The following CEACAM6 variants were observed in gnomAD, a reference collection of about 807,000 sequenced individuals.
CEACAM6 encodes the protein CEA cell adhesion molecule 6, also known as cell adhesion molecule CEACAM6.
Under a neutral mutation model 32.4 loss-of-function variants are expected in CEACAM6, and 21 were observed. The observed-to-expected ratio is 0.65, with a 90% CI of 0.46 to 0.93. CEACAM6 has a LOEUF of 0.93. CEACAM6 is among the 40% of genes least tolerant of loss of function. The pLI, the probability that CEACAM6 is intolerant of heterozygous loss-of-function variation, is 0.00. For missense variants in CEACAM6, 406 were observed against 432.2 expected, an observed-to-expected ratio of 0.94 and a Z score of 0.54; for synonymous variants, 184 against 174.4, an observed-to-expected ratio of 1.06 and a Z score of -0.43.
At chr19:41,758,692 C>T (rs1549960) in intron 2 of CEACAM6, among the ~76,000 whole-genome samples, 48,864 of 151,940 alleles carry the variant, frequency 0.32, 8,118 homozygotes, top group East Asian at 0.51. Flanking sequence ...CCTCATTTTC[C>T]TCCCCTTTCA....
chr19:41,760,782 A>G (rs2072917895), intron 2 of CEACAM6, among the ~76,000 whole-genome samples: 1 of 152,208 alleles, frequency 6.6e-6, no homozygotes, highest in Admixed American at 6.5e-5. Context: ...TTGGGGTTTA[A>G]GGACAATAAG....
intron 5 of CEACAM6, among the ~76,000 whole-genome samples, chr19:41,770,392 A>T (rs983599469): frequency 1.3e-5 from 2 of 151,788 alleles, no homozygotes; most frequent in Admixed American, 1.3e-4. Context: ...CTGGGAGTGC[A>T]TACATAGGCC....
chr19:41,756,923 G>A lies in CEACAM6; in HGVS notation c.388G>A (p.Val130Met), dbSNP rs143835773. The A allele has an allele frequency of 4.3e-6, 7 of 1,613,028 alleles. No individual in the cohort carries two copies. The African/African-American group carries it at 9.4e-5, about 22-fold the overall frequency. Reference sequence around the variant, plus strand: ...CCTACAAGTCATAAAGTCAGATCTTGTGAATGAAGAAGCAACCGGACAGTT... The same window carrying A: ...CCTACAAGTCATAAAGTCAGATCTTATGAATGAAGAAGCAACCGGACAGTT... Reference protein sequence around the residue: ...YTLQVIKSDLVNEEATGQFHV... With the variant: ...YTLQVIKSDLMNEEATGQFHV... The change falls in exon 2 of 6, where the codon GTG (valine) becomes ATG (methionine). Residue 130 changes from valine (V) to methionine (M), a missense_variant. Val to Met is a conservative substitution (Grantham distance 21, BLOSUM62 1). Coordinates refer to ENST00000199764, the MANE Select transcript of CEACAM6 (RefSeq NM_002483.7).
intron 5 of CEACAM6, among the ~76,000 whole-genome samples, chr19:41,767,005 CA>C (rs34180480): frequency 1.0e-3 from 90 of 88,488 alleles, no homozygotes; most frequent in Middle Eastern, 5.7e-3. Context: ...GACTCCGTCT[CA>C]AAAAAAAAAA....
At chr19:41,761,134 G>A in intron 2 of CEACAM6, 115 bp from the exon 3 acceptor site, 1 of 1,559,198 alleles carries the variant, frequency 6.4e-7, no homozygotes, top group Non-Finnish European at 8.7e-7. Context: ...CCTGCCAGGG[G>A]CTTTTAAGGA....
chr19:41,755,649 C>T lies in CEACAM6; in HGVS notation c.11C>T (p.Pro4Leu), dbSNP rs782820222. ...AAGACAGCAGAGACCATGGGACCCCCCTCAGCCCCTCCCTGCAGATTGCAT... is the reference window on the plus strand; with the variant it reads ...AAGACAGCAGAGACCATGGGACCCCTCTCAGCCCCTCCCTGCAGATTGCAT... MGPPSAPPCRLHVP... is the reference protein window; with the variant it reads MGPLSAPPCRLHVP... Residue 4 changes from proline to leucine, a missense_variant, in exon 1 of 6, where the codon CCC becomes CTC. By Grantham distance (98) the Pro-to-Leu change is moderately conservative. Transcript: ENST00000199764. The T allele has an allele frequency of 2.5e-6, 4 of 1,610,188 alleles. No individual in the cohort carries two copies. In the South Asian group the frequency reaches 3.3e-5, roughly 13 times the overall value.
intron 5 of CEACAM6, among the ~76,000 whole-genome samples, chr19:41,766,867 A>T (rs2072959213): frequency 6.6e-6 from 1 of 151,952 alleles, no homozygotes; most frequent in Non-Finnish European, 1.5e-5. Flanking sequence ...TTATTCAGGC[A>T]TGGTGGCGAG....
intron 2 of CEACAM6, chr19:41,758,074 A>T (rs1195477759): frequency 6.6e-6 from 1 of 152,144 alleles, no homozygotes; most frequent in Non-Finnish European, 1.5e-5. Context: ...AGAAGTGGAG[A>T]TTCTGGTCTG....
intron 5 of CEACAM6, among the ~76,000 whole-genome samples, chr19:41,768,753 A>G (rs1364283535): frequency 2.1e-5 from 3 of 143,564 alleles, no homozygotes; most frequent in Non-Finnish European, 4.5e-5. Flanking sequence ...TCCCTCCCGG[A>G]CGGGGCGGCT....
intron 2 of CEACAM6, among the ~76,000 whole-genome samples, chr19:41,759,116 A>G (rs1162305200): frequency 1.3e-5 from 2 of 152,166 alleles, no homozygotes; most frequent in African/African-American, 4.8e-5. Flanking sequence ...TCTTGGTGTG[A>G]GGCTCACATC....
chr19:41,766,077 A>G, intron 4 of CEACAM6, 106 bp from the exon 5 acceptor site: 1 of 683,462 alleles, frequency 1.5e-6, no homozygotes, highest in Non-Finnish European at 2.4e-6. Flanking sequence ...AAACTAGTGT[A>G]TTCCTTGAAG....
Position 41,755,682 on chromosome 19 carries a change from G to T in CEACAM6, c.44G>T (p.Trp15Leu). The T allele has an allele frequency of 1.2e-6, 2 of 1,605,494 alleles. No individual in the cohort carries two copies. ...CCTCCCTGCAGATTGCATGTCCCCT[G>T]GAAGGAGGTCCTGCTCACAGGTGAG... Reference protein sequence around the residue: ...SAPPCRLHVPWKEVLLTASLL... With the variant: ...SAPPCRLHVPLKEVLLTASLL... Residue 15 changes from tryptophan to leucine, a missense_variant, in exon 1 of 6, where the codon TGG (tryptophan) becomes TTG (leucine). Coordinates refer to ENST00000199764, the MANE Select transcript of CEACAM6 (RefSeq NM_002483.7).
rs1247589430 is a variant in CEACAM6, at chr19:41,770,804, T to C, written c.*43T>C. 6.5e-6 allele frequency: 1 copy of C among 152,902 alleles called. No homozygotes were observed. Among genetic ancestry groups the C allele is most frequent in the Non-Finnish European group, 1.5e-5 (1 of 68,438 alleles). The allele number at this position is 152,902 out of a possible 1,614,324, so 9.5% of individuals were successfully genotyped here. On this transcript the variant is annotated splice_region_variant and 3_prime_UTR_variant, in exon 6 of 6. Transcript: ENST00000199764. ...TTATTTTCATTATCCACCTATAGAT[T>C]GGACCAGACCCTGAATTCTTCTAGC...
chr19:41,767,045 C>A (rs187363835), intron 5 of CEACAM6, among the ~76,000 whole-genome samples: 2 of 151,238 alleles, frequency 1.3e-5, no homozygotes, highest in Admixed American at 1.3e-4. Context: ...GGAACCTGCT[C>A]TGGCCTACTA....
chr19:41,761,585 A>C lies in CEACAM6; in HGVS notation c.703+58A>C, dbSNP rs1376920469. On this transcript the variant is annotated intron_variant, in intron 3 of 5. Coordinates refer to ENST00000199764, the MANE Select transcript of CEACAM6 (RefSeq NM_002483.7). ...TGCCAGCCCAAATCCACACAGCCAG[A>C]GTCCAGGTCTCTCAGTCCCTCTCAG... is the stretch of plus-strand genomic sequence containing the variant. 13 of 1,599,254 alleles carry C rather than the reference A, an allele frequency of 8.1e-6. No individual in the cohort carries two copies. In the African/African-American group the frequency reaches 1.2e-4, roughly 15 times the overall value.
intron 5 of CEACAM6, among the ~76,000 whole-genome samples, chr19:41,769,431 C>T (rs1258838754): frequency 1.3e-5 from 2 of 152,090 alleles, no homozygotes; most frequent in African/African-American, 4.8e-5. Context: ...AAACTGATAG[C>T]TTCATGAAAC....
At position 41,766,083 on chromosome 19, in the gene CEACAM6, T is replaced by G. The variant is rs578177861; in HGVS notation, c.959-100T>G. ...TTTCCCACAAAACTAGTGTATTCCT[T>G]GAAGGAACAAGTCAAGCCTACTTCA... is the stretch of plus-strand genomic sequence containing the variant. On this transcript the variant is annotated intron_variant, in intron 4 of 5. Coordinates refer to ENST00000199764, the MANE Select transcript of CEACAM6 (RefSeq NM_002483.7). The G allele has an allele frequency of 3.9e-5, 29 of 752,220 alleles. No individual in the cohort carries two copies. In the South Asian group the frequency reaches 6.5e-4, roughly 17 times the overall value. The allele number at this position is 752,220 out of a possible 1,614,324, so 46.6% of individuals were successfully genotyped here.
At chr19:41,763,940 C>A (rs1263125440) in intron 4 of CEACAM6, among the ~76,000 whole-genome samples, 1 of 152,158 alleles carries the variant, frequency 6.6e-6, no homozygotes, top group Non-Finnish European at 1.5e-5. Context: ...CTAATTTCTC[C>A]AGCTAGGACT....
chr19:41,759,580 C>G (rs2072910557), intron 2 of CEACAM6, among the ~76,000 whole-genome samples: 1 of 152,176 alleles, frequency 6.6e-6, no homozygotes, highest in Non-Finnish European at 1.5e-5. Flanking sequence ...CAAGGAGTTG[C>G]TAATTTCAAA....
Sources: allele counts gnomAD v4.1 joint callset (sites outside exome capture counted in the v4.1 genomes callset), GRCh38; gene constraint gnomAD v4.1.1; transcripts MANE v1.5; gene names NCBI Gene and HGNC (gene_info 2026-07-23, HGNC 2026-07-21).